Variants in CACNA1H observed in about 807,000 individuals in gnomAD.
CACNA1H encodes voltage-dependent T-type calcium channel subunit alpha-1H.
Under a neutral mutation model 192.5 loss-of-function variants are expected in CACNA1H, and 149 were observed. That is an observed-to-expected ratio of 0.77 (90% CI 0.68 to 0.89). The LOEUF (loss-of-function observed/expected upper bound fraction) is 0.89, where lower values mean the gene tolerates loss of function less well. CACNA1H is among the 40% of genes least tolerant of loss of function. The pLI is 0.00. For missense variants in CACNA1H, 4,257 were observed against 3,423.5 expected (o/e 1.24, Z -6.08); for synonymous variants, 2,202 against 1,475.2 (o/e 1.49, Z -11.29).
intron 5 of CACNA1H, among the ~76,000 whole-genome samples, chr16:1,198,202 T>C (rs889845750): frequency 6.6e-6 from 1 of 152,154 alleles, no homozygotes; most frequent in African/African-American, 2.4e-5. Context: ...CGAGGGCCAC[T>C]GGGCTCCGCC....
rs767983680 is a variant in CACNA1H, at chr16:1,204,058, C to G, written c.2051C>G (p.Pro684Arg). 10 of 1,595,202 alleles carry G rather than the reference C, an allele frequency of 6.3e-6. No individual in the cohort carries two copies. In the South Asian group the frequency reaches 1.1e-4, roughly 18 times the overall value. ...GHLSGLSVPC[P>R]LPSPPAGTLT... Reference sequence around the variant, plus strand: ...CTGTCGGGCCTCAGTGTGCCCTGCCCCCTGCCCAGCCCCCCAGCGGGCACA... The same window carrying G: ...CTGTCGGGCCTCAGTGTGCCCTGCCGCCTGCCCAGCCCCCCAGCGGGCACA... The change falls in exon 10 of 35, where the codon CCC becomes CGC. Residue 684 changes from proline (P) to arginine (R), a missense_variant. Pro to Arg is a moderately radical substitution (Grantham distance 103). Transcript: ENST00000348261.
At position 1,204,136 on chromosome 16, in the gene CACNA1H, C is replaced by T. The variant is rs547373648; in HGVS notation, c.2129C>T (p.Pro710Leu). 2.7e-5 allele frequency: 43 copies of T among 1,612,390 alleles called. No homozygotes were observed. The highest frequency in any genetic ancestry group is 1.8e-4 in the East Asian group (8 of 44,874). Residue 710 changes from proline (P) to leucine (L), a missense_variant, in exon 10 of 35, where the codon CCG becomes CTG. Physicochemically the swap from Pro to Leu is moderately conservative, Grantham distance 98. Coordinates refer to ENST00000348261, the MANE Select transcript of CACNA1H (RefSeq NM_021098.3). ...CPYCTRALED[P>L]EGELSGSESG... ...TACTGCACCCGTGCCCTGGAGGACCCGGAGGGTGAGCTCAGCGGCTCGGAA... is the reference window on the plus strand; with the variant it reads ...TACTGCACCCGTGCCCTGGAGGACCTGGAGGGTGAGCTCAGCGGCTCGGAA...
rs536887857 is a variant in CACNA1H at position 1,220,721 on chromosome 16, C to T, written c.6789C>T (p.Val2263=). Residue 2263 remains valine, a synonymous_variant, in exon 35 of 35, where the codon GTC becomes GTT. Coordinates refer to ENST00000348261, the MANE Select transcript of CACNA1H (RefSeq NM_021098.3). ...QASCRAEHLT[V]PSFAFEPLDL... ...CCTGCCGGGCTGAGCACCTGACCGT[C>T]CCCAGCTTTGCCTTTGAGCCGCTGG... is the stretch of plus-strand genomic sequence containing the variant. 6.2e-7 allele frequency: 1 copy of T among 1,612,264 alleles called. No homozygotes were observed. Among genetic ancestry groups the T allele is most frequent in the African/African-American group, 1.3e-5 (1 of 75,008 alleles).
At chr16:1,212,426 C>G in intron 25 of CACNA1H, 85 bp from the exon 26 acceptor site, 9 of 1,393,262 alleles carry the variant, frequency 6.5e-6, no homozygotes, top group Non-Finnish European at 9.0e-6. Context: ...GCCCCCGAGA[C>G]ACGGGGGCTG....
At chr16:1,200,146 C>T (rs1035568177) in intron 6 of CACNA1H, 110 bp from the exon 7 acceptor site, 1 of 891,874 alleles carries the variant, frequency 1.1e-6, no homozygotes, top group Non-Finnish European at 1.7e-6. Flanking sequence ...TGGCCCTGAC[C>T]CTGATCACGT....
intron 2 of CACNA1H, among the ~76,000 whole-genome samples, chr16:1,175,935 G>A (rs1964840700): frequency 6.6e-6 from 1 of 152,152 alleles, no homozygotes; most frequent in African/African-American, 2.4e-5. Flanking sequence ...ACAGCCTGGA[G>A]TTTGACCCCA....
Position 1,209,320 on chromosome 16 carries a change from G to A in CACNA1H, c.3652G>A (p.Asp1218Asn), listed in dbSNP as rs771215852. 25 of 1,597,752 alleles carry A rather than the reference G, an allele frequency of 1.6e-5. No homozygotes were observed. The highest frequency in any genetic ancestry group is 3.3e-5 in the Admixed American group (2 of 59,920). Residue 1218 changes from aspartate (D) to asparagine (N), a missense_variant, in exon 17 of 35, where the codon GAC (aspartate) becomes AAC (asparagine). Physicochemically the swap from Asp to Asn is conservative, Grantham distance 23. Transcript: ENST00000348261. ...CCCGCCTACCAAGTGCCGCGATCGC[G>A]ACGGGCAGGTGGTGGCCCTGCCCAG... ...ALPPTKCRDR[D>N]GQVVALPSDF...
Position 1,209,243 on chromosome 16 carries a change from C to A in CACNA1H, c.3575C>A (p.Pro1192Gln). The change falls in exon 17 of 35, where the codon CCA (proline) becomes CAA (glutamine). Residue 1192 changes from proline (P) to glutamine (Q), a missense_variant. Transcript: ENST00000348261. Reference protein sequence around the residue: ...GRAAPGPRATPLRRAESLDPR... With the variant: ...GRAAPGPRATQLRRAESLDPR... ...GCCGCGCCCGGGCCCCGTGCCACCCCACTGCGGCGGGCCGAGTCCCTGGAC... is the reference window on the plus strand; with the variant it reads ...GCCGCGCCCGGGCCCCGTGCCACCCAACTGCGGCGGGCCGAGTCCCTGGAC... The A allele has an allele frequency of 6.5e-7, 1 of 1,546,390 alleles. No individual in the cohort carries two copies. Among genetic ancestry groups the A allele is most frequent in the South Asian group, 1.2e-5 (1 of 84,318 alleles).
At chr16:1,197,547 GAGGACACGCTC>G (rs1967131707) in intron 5 of CACNA1H, among the ~76,000 whole-genome samples, 1 of 152,228 alleles carries the variant, frequency 6.6e-6, no homozygotes, top group Non-Finnish European at 1.5e-5. Flanking sequence ...TTCTCATAAT[GAGGACACGCTC>G]AGGGCTGCAT....
Position 1,168,366 on chromosome 16 carries a change from C to G in CACNA1H, c.299+14330C>G, listed in dbSNP as rs555880241. Among the ~76,000 whole-genome samples, 8 of 152,146 alleles carry G rather than the reference C, an allele frequency of 5.3e-5. No individual in the cohort carries two copies. The East Asian group carries it at 1.6e-3, about 30-fold the overall frequency. On this transcript the variant is annotated intron_variant, in intron 2 of 34. Coordinates refer to ENST00000348261, the MANE Select transcript of CACNA1H (RefSeq NM_021098.3). ...TGGTAGAGTCCATGCAGTCCGACCA[C>G]CCACCCCGGGGCGTGGTTCTAGGAT...
chr16:1,175,373 A>G (rs549213426), intron 2 of CACNA1H, among the ~76,000 whole-genome samples: 2 of 152,208 alleles, frequency 1.3e-5, no homozygotes, highest in East Asian at 3.9e-4. Context: ...TTTGCATTAT[A>G]CAGGCTGGTT....
intron 2 of CACNA1H, among the ~76,000 whole-genome samples, chr16:1,185,792 T>G (rs28645191): frequency 0.16 from 185 of 1,124 alleles, 20 homozygotes; most frequent in South Asian, 0.24. Flanking sequence ...GGGGTGTGTA[T>G]GGGGCGGGTG....
chr16:1,207,872 C>T lies in CACNA1H; in HGVS notation c.3154+12C>T, dbSNP rs779364761. On this transcript the variant is annotated intron_variant, in intron 15 of 34. Coordinates refer to ENST00000348261, the MANE Select transcript of CACNA1H (RefSeq NM_021098.3). ...ACTCCAGACCACAGGTGCGTGTGGT[C>T]GGTGGGTGGTCCGGGTTCTGGCGGG... The T allele has an allele frequency of 1.7e-4, 268 of 1,578,310 alleles. No individual in the cohort carries two copies. Among genetic ancestry groups the T allele is most frequent in the Middle Eastern group, 3.3e-4 (2 of 6,052 alleles).
At position 1,180,617 on chromosome 16, in the gene CACNA1H, G is replaced by T. The variant is rs906326681; in HGVS notation, c.300-14355G>T. On this transcript the variant is annotated intron_variant, in intron 2 of 34. Coordinates refer to ENST00000348261, the MANE Select transcript of CACNA1H (RefSeq NM_021098.3). This position sits in a 1 kb window ranked among gnomAD's most constrained non-coding sequence, Gnocchi z 4.4. ...GGGGCTGCTCTCCATAGTGTGTCGG[G>T]TGGGGAGTGGCCCACCTGGCCTTGG... 4.6e-5 allele frequency among the ~76,000 whole-genome samples: 7 copies of T among 152,112 alleles called. No individual in the cohort carries two copies. The highest frequency in any genetic ancestry group is 3.9e-4 in the Admixed American group (6 of 15,288).
At chr16:1,159,896 G>A (rs1962957866) in intron 2 of CACNA1H, 1 of 152,194 alleles carries the variant, frequency 6.6e-6, no homozygotes, top group Non-Finnish European at 1.5e-5. Context: ...AACGCTCAGG[G>A]GTGGTTCTGC....
At chr16:1,195,793 TC>T (rs1376602283) in intron 4 of CACNA1H, 132 bp from the exon 5 acceptor site, 5 of 892,708 alleles carry the variant, frequency 5.6e-6, no homozygotes, top group Non-Finnish European at 9.2e-6. Flanking sequence ...TCGGGGCCCT[TC>T]CTGGCCAGTA....
chr16:1,220,246 C>T lies in CACNA1H; in HGVS notation c.6314C>T (p.Thr2105Ile), dbSNP rs756344458. The T allele has an allele frequency of 1.8e-5, 28 of 1,585,272 alleles. No homozygotes were observed. In the African/African-American group the frequency reaches 3.4e-4, roughly 19 times the overall value. Reference protein sequence around the residue: ...DPADEEVSHITSSACPWQPTA... With the variant: ...DPADEEVSHIISSACPWQPTA... ...GCCGACGAGGAGGTCAGCCACATCA[C>T]CAGCTCCGCCTGCCCCTGGCAGCCC... The change falls in exon 35 of 35, where the codon ACC (threonine) becomes ATC (isoleucine). Residue 2105 changes from threonine to isoleucine, a missense_variant. By Grantham distance (89) the Thr-to-Ile change is moderately conservative (BLOSUM62 -1). Coordinates refer to ENST00000348261, the MANE Select transcript of CACNA1H (RefSeq NM_021098.3).
At chr16:1,166,059 G>A (rs545604941) in intron 2 of CACNA1H, among the ~76,000 whole-genome samples, 2 of 152,334 alleles carry the variant, frequency 1.3e-5, no homozygotes, top group South Asian at 4.1e-4. Context: ...TTGTGACTTG[G>A]AATTGGGTGA....
In CACNA1H at chr16:1,210,836, G is replaced by C; in HGVS notation, c.4088G>C (p.Ser1363Thr). ...GGCGAGCACGCCTACCTGCAGAGCA[G>C]CTGGAACCTGCTGGATGGGCTGCTG... ...LSGEHAYLQS[S>T]WNLLDGLLVL... The change falls in exon 21 of 35, where the codon AGC becomes ACC. Residue 1363 changes from serine to threonine, a missense_variant. Transcript: ENST00000348261. The C allele has an allele frequency of 6.2e-7, 1 of 1,604,542 alleles. No homozygotes were observed. Among genetic ancestry groups the C allele is most frequent in the Admixed American group, 1.7e-5 (1 of 60,022 alleles).
Sources: gnomAD v4.1 joint callset for allele counts (sites outside exome capture counted in the v4.1 genomes callset) on GRCh38, gnomAD v4.1.1 for gene constraint, Gnocchi (gnomAD v3.1) non-coding constraint, MANE v1.5 for transcripts, NCBI Gene and HGNC (gene_info 2026-07-23, HGNC 2026-07-21) for gene names.